Variants in NCMAP observed in about 807,000 individuals in gnomAD.
NCMAP encodes noncompact myelin-associated protein.
In NCMAP, 8 loss-of-function variants were observed where a neutral mutation model predicts 7.8. The observed-to-expected ratio is 1.02, with a 90% CI of 0.60 to 1.84. The LOEUF is 1.84. Ranked by LOEUF, NCMAP falls within the 40% of genes most tolerant of loss-of-function variation. The probability of loss-of-function intolerance (pLI) is 0.00; values close to 1 mark genes in which losing one functional copy is unlikely to be tolerated. For missense variants in NCMAP, 112 were observed against 131.4 expected (o/e 0.85, Z 0.72); for synonymous variants, 41 against 52.9 (o/e 0.78, Z 0.98).
chr1:24,581,350 C>G (rs957123253), intron 1 of NCMAP, among the ~76,000 whole-genome samples: 1 of 152,196 alleles, frequency 6.6e-6, no homozygotes, highest in Admixed American at 6.5e-5. Flanking sequence ...CTCCTGGCCT[C>G]AAGTAATCCA....
At chr1:24,571,679 G>A (rs775372896) in intron 1 of NCMAP, among the ~76,000 whole-genome samples, 5 of 149,416 alleles carry the variant, frequency 3.3e-5, no homozygotes, top group South Asian at 2.1e-4. Flanking sequence ...TCTGCCTCCC[G>A]GGTTCAAGAG....
intron 1 of NCMAP, among the ~76,000 whole-genome samples, chr1:24,574,124 AG>A (rs1339439580): frequency 9.5e-6 from 1 of 105,158 alleles, no homozygotes; most frequent in Non-Finnish European, 2.1e-5. Context: ...TGGGACTGAG[AG>A]GGGTTTTTTT....
intron 1 of NCMAP, among the ~76,000 whole-genome samples, chr1:24,557,823 C>A (rs562978586): frequency 8.2e-4 from 125 of 152,264 alleles, no homozygotes; most frequent in African/African-American, 2.9e-3. Flanking sequence ...GCCAAGCCAG[C>A]CAGCCGCGGC....
At chr1:24,572,934 C>T (rs1008763600) in intron 1 of NCMAP, among the ~76,000 whole-genome samples, 2 of 150,716 alleles carry the variant, frequency 1.3e-5, no homozygotes, top group African/African-American at 5.0e-5. Flanking sequence ...CTCAGTGACC[C>T]TGGGTGTGAA....
Position 24,580,588 on chromosome 1 carries a change from C to T in NCMAP, c.-7-14836C>T, listed in dbSNP as rs540880092. 5.9e-5 allele frequency among the ~76,000 whole-genome samples: 9 copies of T among 152,114 alleles called. No homozygotes were observed. In the South Asian group the frequency reaches 1.5e-3, roughly 25 times the overall value. On this transcript the variant is annotated intron_variant, in intron 1 of 3. Transcript: ENST00000374392. ...GCCTCAGCCTCCTGAGTAGCTGGGA[C>T]TACAGGCATGCACCACCACACCTGG...
chr1:24,580,236 T>C (rs1041069015), intron 1 of NCMAP, among the ~76,000 whole-genome samples: 1 of 152,222 alleles, frequency 6.6e-6, no homozygotes, highest in East Asian at 1.9e-4. Flanking sequence ...GACACTACAT[T>C]CTTAATTGTA....
chr1:24,573,985 G>T (rs1321109259), intron 1 of NCMAP, among the ~76,000 whole-genome samples: 1 of 117,560 alleles, frequency 8.5e-6, no homozygotes, highest in Non-Finnish European at 1.8e-5. Context: ...AAAAAAGGGG[G>T]AATATGTCAG....
At chr1:24,566,832 G>A (rs1651240805) in intron 1 of NCMAP, among the ~76,000 whole-genome samples, 1 of 152,094 alleles carries the variant, frequency 6.6e-6, no homozygotes, top group African/African-American at 2.4e-5. Context: ...GCCAGGCTAG[G>A]CACTGTAGAG....
At chr1:24,562,568 C>T (rs74768624) in intron 1 of NCMAP, among the ~76,000 whole-genome samples, 2,733 of 152,296 alleles carry the variant, frequency 0.018, 83 homozygotes, top group African/African-American at 0.062. Flanking sequence ...TGACAGACCC[C>T]GGAGCCTGAA....
At chr1:24,575,015 C>T (rs35839418) in intron 1 of NCMAP, among the ~76,000 whole-genome samples, 31,612 of 151,874 alleles carry the variant, frequency 0.21, 3,433 homozygotes, top group Non-Finnish European at 0.23. Context: ...GTCTTGAACT[C>T]CTGACCTCAG....
intron 1 of NCMAP, among the ~76,000 whole-genome samples, chr1:24,578,245 C>CAAAA (rs35145959): frequency 9.5e-5 from 11 of 116,308 alleles, no homozygotes; most frequent in South Asian, 2.9e-4. Flanking sequence ...GACACTGTCT[C>CAAAA]AAAAAAAAAA....
chr1:24,606,282 G>C lies in NCMAP; in HGVS notation c.*535G>C, dbSNP rs1186106030. ...ACTACATCTCTGCCTGCTGGCTCAT[G>C]ACAATTGCTCAGCACATTTTCCCCT... On this transcript the variant is annotated 3_prime_UTR_variant, in exon 4 of 4. Transcript: ENST00000374392. 1 of 152,540 alleles carries C rather than the reference G, an allele frequency of 6.6e-6. No homozygotes were observed. The highest frequency in any genetic ancestry group is 1.5e-5 in the Non-Finnish European group (1 of 68,282). The allele number at this position is 152,540 out of a possible 1,614,324, so 9.4% of individuals were successfully genotyped here. A position where few individuals can be genotyped will look rare whatever the true frequency, so the allele number is the denominator to read the frequency against.
rs565492563 is a variant in NCMAP at position 24,591,143 on chromosome 1, A to G, written c.-7-4281A>G. On this transcript the variant is annotated intron_variant, in intron 1 of 3. Transcript: ENST00000374392. ...GACAATGAAATGTAGCATTAATGGC[A>G]GACAAAGCAGTGGACACATGCCTTG... 1.5e-3 allele frequency among the ~76,000 whole-genome samples: 229 copies of G among 152,254 alleles called. 1 individual carries two copies. Among genetic ancestry groups the G allele is most frequent in the Middle Eastern group, 3.2e-3 (1 of 316 alleles).
Position 24,585,584 on chromosome 1 carries a change from T to C in NCMAP, c.-7-9840T>C, listed in dbSNP as rs1044507740. Among the ~76,000 whole-genome samples, 4 of 152,196 alleles carry C rather than the reference T, an allele frequency of 2.6e-5. No homozygotes were observed. In the East Asian group the frequency reaches 7.7e-4, roughly 29 times the overall value. On this transcript the variant is annotated intron_variant, in intron 1 of 3. Coordinates refer to ENST00000374392, the MANE Select transcript of NCMAP (RefSeq NM_001010980.5). ...CTTAGAGATGATCTCCAAACTGGGC[T>C]ATTTTACAGGCAGGAAAACCAAGGT...
intron 1 of NCMAP, among the ~76,000 whole-genome samples, chr1:24,565,596 G>A (rs1037572237): frequency 6.7e-6 from 1 of 150,164 alleles, no homozygotes; most frequent in Admixed American, 6.6e-5. Context: ...GTGTGTGTGT[G>A]TGTGTGTGTG....
Position 24,600,921 on chromosome 1 carries a change from G to T in NCMAP, c.83-19G>T, listed in dbSNP as rs1008300002. ...TTCAGTTTGCACATTCACGGTCTCT[G>T]CTTCTCTCCTTTCTGTAGGTTCTGG... On this transcript the variant is annotated intron_variant, in intron 2 of 3. Transcript: ENST00000374392. 1 of 1,612,688 alleles carries T rather than the reference G, an allele frequency of 6.2e-7. No individual in the cohort carries two copies. Among genetic ancestry groups the T allele is most frequent in the Admixed American group, 1.7e-5 (1 of 60,008 alleles).
At chr1:24,598,457 T>A (rs1251244786) in intron 2 of NCMAP, among the ~76,000 whole-genome samples, 2 of 151,986 alleles carry the variant, frequency 1.3e-5, no homozygotes, top group Non-Finnish European at 2.9e-5. Context: ...TTCTGCTTGG[T>A]TTTGAACTTT....
At chr1:24,591,348 C>T (rs1458434668) in intron 1 of NCMAP, among the ~76,000 whole-genome samples, 1 of 152,198 alleles carries the variant, frequency 6.6e-6, no homozygotes, top group Non-Finnish European at 1.5e-5. Flanking sequence ...TCACTACAAC[C>T]TCCACCTCCT....
At position 24,608,109 on chromosome 1, in the gene NCMAP, A is replaced by C. The variant is rs1296898746; in HGVS notation, c.*2362A>C. The C allele has an allele frequency of 6.6e-6, 1 of 152,228 alleles. No homozygotes were observed. Among genetic ancestry groups the C allele is most frequent in the Non-Finnish European group, 1.5e-5 (1 of 68,046 alleles). 9.4% of individuals were successfully genotyped at this position (152,228 alleles called of 1,614,324 possible). A position where few individuals can be genotyped will look rare whatever the true frequency, so the allele number is the denominator to read the frequency against. ...TCTCATAGGATTAAATTTTCCCAAAAACCTGGGGAGGAATTATTTTTTCCA... is the reference window on the plus strand; with the variant it reads ...TCTCATAGGATTAAATTTTCCCAAACACCTGGGGAGGAATTATTTTTTCCA... On this transcript the variant is annotated 3_prime_UTR_variant, in exon 4 of 4. Coordinates refer to ENST00000374392, the MANE Select transcript of NCMAP (RefSeq NM_001010980.5).
Sources: allele counts gnomAD v4.1 joint callset (sites outside exome capture counted in the v4.1 genomes callset), GRCh38; gene constraint gnomAD v4.1.1; transcripts MANE v1.5; gene names NCBI Gene and HGNC (gene_info 2026-07-23, HGNC 2026-07-21).